Variants in RIMS2 observed in about 807,000 individuals in gnomAD.
RIMS2 encodes the protein regulating synaptic membrane exocytosis protein 2.
In RIMS2, 59 loss-of-function variants were observed where a neutral mutation model predicts 174.4. The ratio of observed to expected loss-of-function variants is 0.34; its 90% CI spans 0.27 to 0.42. The LOEUF (loss-of-function observed/expected upper bound fraction) is 0.42. RIMS2 is among the 10% of genes least tolerant of loss of function. The probability of loss-of-function intolerance (pLI) is 1.00; values close to 1 mark genes in which losing one functional copy is unlikely to be tolerated. For synonymous variants in RIMS2, 606 were observed against 572.5 expected, an observed-to-expected ratio of 1.06 and a Z score of -0.84; for missense variants, 1,620 against 1,666.3, an observed-to-expected ratio of 0.97 and a Z score of 0.48.
rs370180601 is a variant in RIMS2, at chr8:103,606,986, A to C, written c.177-90100A>C. Among the ~76,000 whole-genome samples, 537 of 152,042 alleles carry C rather than the reference A, an allele frequency of 3.5e-3. 29 individuals carry two copies. The East Asian group carries it at 0.097, about 27-fold the overall frequency. On this transcript the variant is annotated intron_variant, in intron 1 of 23. Transcript: ENST00000504942. ...CCAGTCTGTGTCTTTTAATTGGAGC[A>C]TTTAGTCCATTTACATTTAAAGTTA...
intron 3 of RIMS2, among the ~76,000 whole-genome samples, chr8:103,806,813 C>T (rs942981024): frequency 2.6e-5 from 4 of 151,690 alleles, no homozygotes; most frequent in Non-Finnish European, 4.4e-5. Context: ...TAGAACCTAC[C>T]GATAGATTTG....
At chr8:103,682,962 A>T (rs2096897982) in intron 1 of RIMS2, among the ~76,000 whole-genome samples, 1 of 152,164 alleles carries the variant, frequency 6.6e-6, no homozygotes, top group Admixed American at 6.6e-5. Flanking sequence ...TGGGATAAAT[A>T]GTTACTAGCT....
chr8:103,668,980 G>A (rs1018425134), intron 1 of RIMS2, among the ~76,000 whole-genome samples: 6 of 152,102 alleles, frequency 3.9e-5, no homozygotes, highest in African/African-American at 1.2e-4. Context: ...TAAGTGTGTA[G>A]CATTGTTTTC....
intron 2 of RIMS2, among the ~76,000 whole-genome samples, chr8:103,740,509 T>C (rs543214355): frequency 6.6e-6 from 1 of 152,300 alleles, no homozygotes; most frequent in Admixed American, 6.5e-5. Flanking sequence ...GGGGAACTTA[T>C]CTAGTCTGGT....
chr8:103,804,766 C>T (rs1170031459), intron 3 of RIMS2, among the ~76,000 whole-genome samples: 1 of 151,636 alleles, frequency 6.6e-6, no homozygotes, highest in East Asian at 1.9e-4. Context: ...AGTTTTTAAA[C>T]TGTAGTTTTT....
intron 19 of RIMS2, among the ~76,000 whole-genome samples, chr8:104,212,911 T>C (rs976454971): frequency 3.3e-5 from 5 of 152,238 alleles, no homozygotes; most frequent in African/African-American, 1.2e-4. Context: ...GGGTGTGTTA[T>C]AGCTCTCCGT....
intron 13 of RIMS2, among the ~76,000 whole-genome samples, chr8:103,942,486 G>A (rs187738045): frequency 6.6e-6 from 1 of 152,246 alleles, no homozygotes; most frequent in Non-Finnish European, 1.5e-5. Context: ...CATTTAAAAT[G>A]AAAAGTGTTA....
chr8:103,628,105 A>T (rs921472179), intron 1 of RIMS2, among the ~76,000 whole-genome samples: 1 of 152,212 alleles, frequency 6.6e-6, no homozygotes, highest in Non-Finnish European at 1.5e-5. Flanking sequence ...GGTACTTTAT[A>T]TAAGGCATTG....
At chr8:103,981,402 C>A (rs1038690365) in intron 16 of RIMS2, among the ~76,000 whole-genome samples, 3 of 152,120 alleles carry the variant, frequency 2.0e-5, no homozygotes, top group Non-Finnish European at 4.4e-5. Context: ...ACTTTGAATA[C>A]CTGGAAAACC....
intron 17 of RIMS2, among the ~76,000 whole-genome samples, chr8:104,012,615 T>C (rs1053168437): frequency 2.0e-5 from 3 of 152,090 alleles, no homozygotes; most frequent in African/African-American, 7.2e-5. Context: ...ATCTCCCAAA[T>C]TGTGGGGCTG....
intron 1 of RIMS2, among the ~76,000 whole-genome samples, chr8:103,684,223 C>T (rs936796334): frequency 6.6e-6 from 1 of 152,144 alleles, no homozygotes; most frequent in Non-Finnish European, 1.5e-5. Context: ...TCACTCTACT[C>T]CAGCCCCTGG....
chr8:103,697,546 GA>G (rs35424647), intron 2 of RIMS2, among the ~76,000 whole-genome samples: 53 of 131,730 alleles, frequency 4.0e-4, no homozygotes, highest in Middle Eastern at 4.1e-3. Context: ...CTGTCTCTAC[GA>G]AAAAAAAAAA....
intron 1 of RIMS2, among the ~76,000 whole-genome samples, chr8:103,524,903 G>A (rs1833263183): frequency 6.6e-6 from 1 of 152,164 alleles, no homozygotes; most frequent in Non-Finnish European, 1.5e-5. Context: ...TGCTCCTGCA[G>A]GAATTAGAAA....
At chr8:103,691,261 C>T (rs2097021003) in intron 1 of RIMS2, among the ~76,000 whole-genome samples, 1 of 152,008 alleles carries the variant, frequency 6.6e-6, no homozygotes, top group Admixed American at 6.6e-5. Context: ...TGTTATTATC[C>T]CTTCGAACGA....
intron 3 of RIMS2, among the ~76,000 whole-genome samples, chr8:103,843,804 A>G (rs554841628): frequency 9.1e-4 from 139 of 152,314 alleles, no homozygotes; most frequent in African/African-American, 3.2e-3. Context: ...TTAGAATCTT[A>G]TAAAAATTTA....
intron 1 of RIMS2, chr8:103,568,770 A>G (rs552637182): frequency 1.3e-5 from 15 of 1,117,654 alleles, no homozygotes; most frequent in Non-Finnish European, 2.0e-5. Flanking sequence ...GGAATCTATC[A>G]AAACATGAAT....
chr8:103,806,481 C>T lies in RIMS2; in HGVS notation c.698+39944C>T, dbSNP rs374051934. 1.3e-4 allele frequency among the ~76,000 whole-genome samples: 20 copies of T among 152,154 alleles called. No homozygotes were observed. In the South Asian group the frequency reaches 3.9e-3, roughly 30 times the overall value. On this transcript the variant is annotated intron_variant, in intron 3 of 23. Transcript: ENST00000504942. Reference sequence around the variant, plus strand: ...GTACTAGTTCTAACTTTGTCACCAGCCATTTGGTCCAAAAAGCCTTGGATG... The same window carrying T: ...GTACTAGTTCTAACTTTGTCACCAGTCATTTGGTCCAAAAAGCCTTGGATG...
chr8:103,761,932 C>A (rs923020939), intron 2 of RIMS2, among the ~76,000 whole-genome samples: 1 of 151,726 alleles, frequency 6.6e-6, no homozygotes, highest in African/African-American at 2.4e-5. Context: ...TTTTGAATTA[C>A]TCTATTTTTT....
chr8:103,534,751 GTAT>G (rs1444173095), intron 1 of RIMS2, among the ~76,000 whole-genome samples: 8 of 152,218 alleles, frequency 5.3e-5, no homozygotes, highest in Non-Finnish European at 1.2e-4. Flanking sequence ...CAGTAGACCT[GTAT>G]TATTACATTC....
Sources: allele counts gnomAD v4.1 joint callset (sites outside exome capture counted in the v4.1 genomes callset), GRCh38; gene constraint gnomAD v4.1.1; transcripts MANE v1.5; gene names NCBI Gene and HGNC (gene_info 2026-07-23, HGNC 2026-07-21).